Variants in AKAP9 observed in about 807,000 individuals in gnomAD.
AKAP9 encodes the protein A-kinase anchoring protein 9, also known as A-kinase anchor protein 9.
In AKAP9, 311 loss-of-function variants were observed where a neutral mutation model predicts 488.5. The observed-to-expected ratio is 0.64, with a 90% CI of 0.58 to 0.70. The LOEUF (loss-of-function observed/expected upper bound fraction) is 0.70. AKAP9 is among the 30% of genes least tolerant of loss of function. The probability of loss-of-function intolerance (pLI) is 0.00; values close to 1 mark genes in which losing one functional copy is unlikely to be tolerated. For missense variants in AKAP9, 4,215 were observed against 4,374.5 expected, an observed-to-expected ratio of 0.96 and a Z score of 1.03; for synonymous variants, 1,462 against 1,483.5, an observed-to-expected ratio of 0.99 and a Z score of 0.33.
At position 92,012,512 on chromosome 7, in the gene AKAP9, T is replaced by C. The variant is rs1800895887; in HGVS notation, c.3402T>C (p.Tyr1134=). 1 of 1,613,948 alleles carries C rather than the reference T, an allele frequency of 6.2e-7. No individual in the cohort carries two copies. Among genetic ancestry groups the C allele is most frequent in the Non-Finnish European group, 8.5e-7 (1 of 1,179,976 alleles). ...CTCATGTGGATCAGGTTCGTGAATA[T>C]ATGGAAAATGAAAAAGATAAAGCTC... ...YSTHVDQVRE[Y]MENEKDKALC... The change falls in exon 9 of 50, where the codon TAT becomes TAC. Residue 1134 remains tyrosine, a synonymous_variant. Coordinates refer to ENST00000356239, the MANE Select transcript of AKAP9 (RefSeq NM_005751.5).
At chr7:92,106,499 C>T (rs531042253) in intron 47 of AKAP9, among the ~76,000 whole-genome samples, 20 of 152,280 alleles carry the variant, frequency 1.3e-4, no homozygotes, top group African/African-American at 2.2e-4. Context: ...ATTTAAGGCA[C>T]GGTTCAAGAC....
chr7:92,102,660 C>T lies in AKAP9; in HGVS notation c.11164C>T (p.Leu3722=). The T allele has an allele frequency of 6.2e-7, 1 of 1,614,152 alleles. No homozygotes were observed. Among genetic ancestry groups the T allele is most frequent in the Non-Finnish European group, 8.5e-7 (1 of 1,180,042 alleles). Residue 3722 remains leucine (L), a synonymous_variant, in exon 46 of 50, where the codon CTG becomes TTG. Coordinates refer to ENST00000356239, the MANE Select transcript of AKAP9 (RefSeq NM_005751.5). The stretch of plus-strand genomic sequence containing the variant: ...GGCTCTCATTTACCAGAAGAAATAC[C>T]TGCTGCTGTTACTGGGTGGGTTCCA... ...RKALIYQKKY[L]LLLLGGFQEC... is the part of the protein sequence containing the mutation.
chr7:92,033,196 G>A (rs935481584), intron 16 of AKAP9, among the ~76,000 whole-genome samples: 4 of 152,206 alleles, frequency 2.6e-5, no homozygotes, highest in African/African-American at 9.6e-5. Flanking sequence ...GTACTGGTCA[G>A]TGATGTAACA....
rs1584760493 is a variant in AKAP9 at position 91,994,925 on chromosome 7, C to T, written c.732+149C>T. 1.0e-5 allele frequency: 7 copies of T among 679,570 alleles called. No individual in the cohort carries two copies. In the East Asian group the frequency reaches 2.0e-4, roughly 19 times the overall value. The allele number at this position is 679,570 out of a possible 1,614,324, so 42.1% of individuals were successfully genotyped here. Reference sequence around the variant, plus strand: ...TAGTGAATATGTGTTGCTATATTAACCAGGAATTTAATTCATACTTCTTAA... The same window carrying T: ...TAGTGAATATGTGTTGCTATATTAATCAGGAATTTAATTCATACTTCTTAA... On this transcript the variant is annotated intron_variant, in intron 6 of 49. Coordinates refer to ENST00000356239, the MANE Select transcript of AKAP9 (RefSeq NM_005751.5).
At chr7:92,066,396 A>G in intron 25 of AKAP9, 31 bp from the exon 26 acceptor site, 1 of 1,610,904 alleles carries the variant, frequency 6.2e-7, no homozygotes, top group Non-Finnish European at 8.5e-7. Flanking sequence ...CTGTTTCTTC[A>G]GCTACTATCA....
rs752089050 is a variant in AKAP9, at chr7:92,062,485, A to G, written c.5976A>G (p.Gln1992=). Residue 1992 remains glutamine, a splice_region_variant and synonymous_variant, in exon 24 of 50, where the codon CAA becomes CAG. Coordinates refer to ENST00000356239, the MANE Select transcript of AKAP9 (RefSeq NM_005751.5). ...AMKAEAGPVE[Q]QLLQETEKLM... ...AAGCAGAGGCAGGCCCAGTTGAACAACGTAAGTATTTTCAGAATTTGTATG... is the reference window on the plus strand; with the variant it reads ...AAGCAGAGGCAGGCCCAGTTGAACAGCGTAAGTATTTTCAGAATTTGTATG... 6.2e-7 allele frequency: 1 copy of G among 1,612,326 alleles called. No homozygotes were observed. Among genetic ancestry groups the G allele is most frequent in the South Asian group, 1.1e-5 (1 of 91,052 alleles).
intron 10 of AKAP9, 106 bp downstream of exon 10, chr7:92,014,434 C>A: frequency 1.2e-6 from 1 of 804,438 alleles, no homozygotes; most frequent in Non-Finnish European, 2.1e-6. Flanking sequence ...TCGAGACCAG[C>A]CTGGCCAACG....
chr7:92,024,121 A>C (rs1194524582), intron 14 of AKAP9, among the ~76,000 whole-genome samples: 1 of 151,632 alleles, frequency 6.6e-6, no homozygotes, highest in Non-Finnish European at 1.5e-5. Context: ...TATATCATAT[A>C]TATAACTAGG....
chr7:92,052,664 A>G, intron 21 of AKAP9, 62 bp from the exon 22 acceptor site: 1 of 1,208,662 alleles, frequency 8.3e-7, no homozygotes, highest in East Asian at 2.6e-5. Context: ...ATGTTGTTTT[A>G]TAACTTTAAA....
intron 24 of AKAP9, chr7:92,063,427 T>G: frequency 1.1e-6 from 1 of 930,534 alleles, no homozygotes. Context: ...ATACTTTTGT[T>G]GTGTCTTTTT....
chr7:92,068,365 C>CAAA (rs77237109), intron 26 of AKAP9, among the ~76,000 whole-genome samples: 16 of 46,426 alleles, frequency 3.4e-4, no homozygotes, highest in Middle Eastern at 8.5e-3. Flanking sequence ...GACTCCGTCT[C>CAAA]AAAAAAAAAA....
At chr7:92,087,712 A>G (rs1814826929) in intron 37 of AKAP9, among the ~76,000 whole-genome samples, 1 of 152,062 alleles carries the variant, frequency 6.6e-6, no homozygotes, top group Non-Finnish European at 1.5e-5. Flanking sequence ...CTGGCAAGTA[A>G]GGAATTGTTC....
At chr7:92,043,419 T>A (rs1806439988) in intron 20 of AKAP9, 16 of 728,384 alleles carry the variant, frequency 2.2e-5, no homozygotes, top group Non-Finnish European at 2.7e-5. Context: ...AAATAAACAC[T>A]TTGTTTATTT....
intron 38 of AKAP9, 88 bp downstream of exon 38, chr7:92,089,617 A>T (rs889786899): frequency 7.2e-7 from 1 of 1,381,976 alleles, no homozygotes; most frequent in Admixed American, 1.9e-5. Context: ...AAGTTAAAAC[A>T]TATTTTCTTG....
chr7:92,074,571 A>C (rs912538122), intron 28 of AKAP9, among the ~76,000 whole-genome samples: 2 of 152,228 alleles, frequency 1.3e-5, no homozygotes, highest in African/African-American at 2.4e-5. Flanking sequence ...ACATAGGTTT[A>C]TTGCAGCACT....
intron 2 of AKAP9, among the ~76,000 whole-genome samples, chr7:91,975,693 G>T (rs1451736441): frequency 6.6e-6 from 1 of 151,670 alleles, no homozygotes. Context: ...AGACATCCTT[G>T]TATTATTTCT....
intron 26 of AKAP9, among the ~76,000 whole-genome samples, chr7:92,069,082 T>C (rs1811254514): frequency 6.6e-6 from 1 of 152,188 alleles, no homozygotes; most frequent in South Asian, 2.1e-4. Context: ...CTAGAGACAT[T>C]TAGGGAAACC....
chr7:91,954,566 C>T (rs578069586), intron 1 of AKAP9, among the ~76,000 whole-genome samples: 3 of 152,262 alleles, frequency 2.0e-5, no homozygotes, highest in Admixed American at 2.0e-4. Flanking sequence ...CTGTGCCCAG[C>T]CCCAGTAAAT....
chr7:92,079,156 G>A lies in AKAP9; in HGVS notation c.7023G>A (p.Val2341=), dbSNP rs1278796067. The change falls in exon 31 of 50, where the codon GTG becomes GTA. Residue 2341 remains valine, a synonymous_variant. Transcript: ENST00000356239. ...GTTTGATGAGTGATCAAGAATGTGTGAAGAGAAATAGAGAAGAAGAAATAG... is the reference window on the plus strand; with the variant it reads ...GTTTGATGAGTGATCAAGAATGTGTAAAGAGAAATAGAGAAGAAGAAATAG... ...IECLMSDQEC[V]KRNREEEIEQ... 14 of 1,613,766 alleles carry A rather than the reference G, an allele frequency of 8.7e-6. No individual in the cohort carries two copies. The highest frequency in any genetic ancestry group is 1.2e-5 in the Non-Finnish European group (14 of 1,179,924).
Sources: gnomAD v4.1 joint callset for allele counts (sites outside exome capture counted in the v4.1 genomes callset) on GRCh38, gnomAD v4.1.1 for gene constraint, MANE v1.5 for transcripts, NCBI Gene and HGNC (gene_info 2026-07-23, HGNC 2026-07-21) for gene names.